Variants in MIGA1 observed in about 807,000 individuals in gnomAD.
MIGA1 encodes mitoguardin 1, also known as family with sequence similarity 73, member A.
A neutral mutation model predicts 82.0 loss-of-function variants in MIGA1; 58 were observed. That is an observed-to-expected ratio of 0.71 (90% CI 0.57 to 0.88). MIGA1 has a LOEUF of 0.88. Ranked by LOEUF, MIGA1 falls within the 40% of genes least tolerant of loss-of-function variation. The pLI, the probability that MIGA1 is intolerant of heterozygous loss-of-function variation, is 0.00. For synonymous variants in MIGA1, 249 were observed against 253.6 expected (o/e 0.98, Z 0.17); for missense variants, 751 against 749.1 (o/e 1.00, Z -0.03).
chr1:77,808,820 T>C (rs992625880), intron 5 of MIGA1, among the ~76,000 whole-genome samples: 1 of 152,236 alleles, frequency 6.6e-6, no homozygotes, highest in African/African-American at 2.4e-5. Flanking sequence ...CTAGAATAGT[T>C]AGACTATCTC....
At chr1:77,838,502 T>C (rs1167857642) in intron 7 of MIGA1, among the ~76,000 whole-genome samples, 1 of 152,058 alleles carries the variant, frequency 6.6e-6, no homozygotes, top group South Asian at 2.1e-4. Context: ...GGCTGGAGTA[T>C]AGTGGTGCGA....
chr1:77,815,439 A>T (rs1400956817), intron 7 of MIGA1, among the ~76,000 whole-genome samples: 1 of 152,216 alleles, frequency 6.6e-6, no homozygotes, highest in African/African-American at 2.4e-5. Flanking sequence ...AAATTCAAGT[A>T]CTTATCATAG....
At chr1:77,856,591 G>A (rs1181071827) in intron 8 of MIGA1, among the ~76,000 whole-genome samples, 3 of 151,980 alleles carry the variant, frequency 2.0e-5, no homozygotes, top group Admixed American at 2.0e-4. Context: ...AATTCTTCCT[G>A]ATTTAAGATA....
intron 2 of MIGA1, among the ~76,000 whole-genome samples, chr1:77,794,440 T>C (rs541355523): frequency 1.3e-5 from 2 of 152,282 alleles, no homozygotes; most frequent in African/African-American, 4.8e-5. Context: ...ATATATAGGA[T>C]AGGTATTTTG....
At chr1:77,799,539 A>C (rs1031932652) in intron 2 of MIGA1, among the ~76,000 whole-genome samples, 1 of 152,178 alleles carries the variant, frequency 6.6e-6, no homozygotes, top group African/African-American at 2.4e-5. Flanking sequence ...ACGTATCCTC[A>C]TTGTGAAATT....
chr1:77,815,473 A>G (rs1463900471), intron 7 of MIGA1, among the ~76,000 whole-genome samples: 2 of 152,212 alleles, frequency 1.3e-5, no homozygotes, highest in African/African-American at 2.4e-5. Context: ...TTATTTTAAA[A>G]TATATTGTGG....
intron 11 of MIGA1, chr1:77,860,990 T>C (rs1290596263): frequency 4.8e-6 from 2 of 419,700 alleles, no homozygotes; most frequent in Admixed American, 8.4e-5. Context: ...TAGGCATACA[T>C]ATTTGAGTAA....
intron 14 of MIGA1, among the ~76,000 whole-genome samples, chr1:77,869,340 T>G (rs970116360): frequency 1.2e-4 from 17 of 147,094 alleles, no homozygotes; most frequent in Non-Finnish European, 4.5e-5. Context: ...CCATGTCTAC[T>G]TCTATCCACA....
At chr1:77,822,424 T>G (rs1683852376) in intron 7 of MIGA1, among the ~76,000 whole-genome samples, 1 of 152,106 alleles carries the variant, frequency 6.6e-6, no homozygotes, top group African/African-American at 2.4e-5. Flanking sequence ...AGATCCTGTC[T>G]CTAGAGAAAA....
At chr1:77,785,804 A>G (rs1377041221) in intron 2 of MIGA1, among the ~76,000 whole-genome samples, 4 of 152,132 alleles carry the variant, frequency 2.6e-5, no homozygotes, top group Non-Finnish European at 5.9e-5. Flanking sequence ...ATGGGCTGGC[A>G]TTGAATGTCT....
At chr1:77,826,208 T>C (rs922269611) in intron 7 of MIGA1, among the ~76,000 whole-genome samples, 1 of 152,184 alleles carries the variant, frequency 6.6e-6, no homozygotes, top group Non-Finnish European at 1.5e-5. Context: ...GGGAATTAAT[T>C]TGATTTTTCT....
intron 2 of MIGA1, among the ~76,000 whole-genome samples, chr1:77,795,595 G>A (rs1284920231): frequency 6.6e-6 from 1 of 150,984 alleles, no homozygotes; most frequent in Non-Finnish European, 1.5e-5. Context: ...TCCTCCCAGA[G>A]GTGTGAGCCA....
intron 2 of MIGA1, 93 bp downstream of exon 2, chr1:77,783,444 A>G (rs959531669): frequency 4.9e-6 from 3 of 617,742 alleles, no homozygotes; most frequent in South Asian, 4.3e-5. Flanking sequence ...TGAGGTTTCT[A>G]TATAGTACAG....
intron 2 of MIGA1, among the ~76,000 whole-genome samples, chr1:77,788,543 T>C (rs951497049): frequency 6.6e-6 from 1 of 152,210 alleles, no homozygotes; most frequent in Non-Finnish European, 1.5e-5. Flanking sequence ...TGTGTCTTCA[T>C]TGTCATATTT....
chr1:77,841,861 C>T (rs1684642982), intron 7 of MIGA1, among the ~76,000 whole-genome samples: 1 of 148,726 alleles, frequency 6.7e-6, no homozygotes, highest in Non-Finnish European at 1.5e-5. Flanking sequence ...TGCAGTGGTG[C>T]AGTCATAGCT....
chr1:77,811,470 A>G (rs1265043377), intron 5 of MIGA1: 13 of 1,534,940 alleles, frequency 8.5e-6, no homozygotes, highest in Admixed American at 1.7e-5. Context: ...ATTCTTTATT[A>G]TATGTAAGAA....
At chr1:77,803,790 A>G (rs1015780697) in intron 4 of MIGA1, among the ~76,000 whole-genome samples, 1 of 152,126 alleles carries the variant, frequency 6.6e-6, no homozygotes, top group African/African-American at 2.4e-5. Flanking sequence ...GGGAAGTGGA[A>G]TGGTTAATGG....
chr1:77,871,047 C>A (rs376343065), intron 14 of MIGA1, among the ~76,000 whole-genome samples: 3,531 of 135,626 alleles, frequency 0.026, 61 homozygotes, highest in South Asian at 0.098. Flanking sequence ...TACCGTCCAG[C>A]TTTGGCTCGG....
In MIGA1 at chr1:77,876,826, GTTC is replaced by G. The variant is rs1646897416; in HGVS notation, c.*1767_*1769del. The stretch of plus-strand genomic sequence containing the variant: ...CAAATGAATTGTTTTTATGGGTGGA[GTTC>G]TTCTATAAGAGTATATTAAATGCTT... On this transcript the variant is annotated 3_prime_UTR_variant, in exon 16 of 16. Transcript: ENST00000370791. 1 of 152,144 alleles carries G rather than the reference GTTC, an allele frequency of 6.6e-6. No individual in the cohort carries two copies. Among genetic ancestry groups the G allele is most frequent in the South Asian group, 2.1e-4 (1 of 4,830 alleles). The allele number at this position is 152,144 out of a possible 1,614,324, so 9.4% of individuals were successfully genotyped here. A position where few individuals can be genotyped will look rare whatever the true frequency, so the allele number is the denominator to read the frequency against.
Sources: allele counts gnomAD v4.1 joint callset (sites outside exome capture counted in the v4.1 genomes callset), GRCh38; gene constraint gnomAD v4.1.1; transcripts MANE v1.5; gene names NCBI Gene and HGNC (gene_info 2026-07-23, HGNC 2026-07-21).